Variants in EDIL3 observed in about 807,000 individuals in gnomAD.
EDIL3 encodes the protein EGF-like repeat and discoidin I-like domain-containing protein 3.
A neutral mutation model predicts 67.4 loss-of-function variants in EDIL3; 37 were observed. The ratio of observed to expected loss-of-function variants is 0.55; its 90% CI spans 0.42 to 0.72. EDIL3 has a LOEUF of 0.72. Among genes scored for constraint, EDIL3 ranks in the 30% least tolerant of loss-of-function variants. The pLI, the probability that EDIL3 is intolerant of heterozygous loss-of-function variation, is 0.00. For missense variants in EDIL3, 527 were observed against 586.3 expected (o/e 0.90, Z 1.04); for synonymous variants, 195 against 196.3 (o/e 0.99, Z 0.05).
At chr5:84,126,818 C>G (rs1747877631) in intron 5 of EDIL3, among the ~76,000 whole-genome samples, 2 of 152,068 alleles carry the variant, frequency 1.3e-5, no homozygotes, top group African/African-American at 4.8e-5. Flanking sequence ...CAGAGTGGGA[C>G]TGAGAATGCC....
At position 84,114,701 on chromosome 5, in the gene EDIL3, A is replaced by G. The variant is rs148288714; in HGVS notation, c.470-7871T>C. ...TGGATTCCATATAAATTGCACGTGT[A>G]CCTTAAAGAAAAGGCTGTTTCTTCC... is the stretch of plus-strand genomic sequence containing the variant. On this transcript the variant is annotated intron_variant, in intron 5 of 10. Coordinates refer to ENST00000296591, the MANE Select transcript of EDIL3 (RefSeq NM_005711.5). Among the ~76,000 whole-genome samples the G allele has an allele frequency of 4.4e-3, 665 of 152,342 alleles. 6 individuals are homozygous for G. The highest frequency in any genetic ancestry group is 0.015 in the African/African-American group (610 of 41,580).
At chr5:84,155,466 T>C (rs1373895505) in intron 4 of EDIL3, among the ~76,000 whole-genome samples, 4 of 152,206 alleles carry the variant, frequency 2.6e-5, no homozygotes, top group Non-Finnish European at 4.4e-5. Flanking sequence ...TTGGTATGCA[T>C]TAATTTTTTC....
At chr5:83,975,680 ATATAT>A (rs1438350645) in intron 9 of EDIL3, among the ~76,000 whole-genome samples, 3 of 151,902 alleles carry the variant, frequency 2.0e-5, no homozygotes, top group African/African-American at 4.8e-5. Flanking sequence ...TTCCTTTTTT[ATATAT>A]TATAAGTGTT....
intron 9 of EDIL3, among the ~76,000 whole-genome samples, chr5:84,021,989 C>T (rs910171888): frequency 2.0e-5 from 3 of 151,860 alleles, no homozygotes; most frequent in African/African-American, 7.2e-5. Context: ...AGAACTAATA[C>T]CAATCCTCCC....
intron 6 of EDIL3, among the ~76,000 whole-genome samples, chr5:84,075,887 C>T (rs1424414884): frequency 2.0e-5 from 1 of 49,966 alleles, no homozygotes; most frequent in Non-Finnish European, 4.0e-5. Flanking sequence ...CAAAAGTGTG[C>T]ACGCACACAC....
At chr5:83,975,522 G>T (rs762612414) in intron 9 of EDIL3, among the ~76,000 whole-genome samples, 14 of 151,710 alleles carry the variant, frequency 9.2e-5, no homozygotes, top group Non-Finnish European at 1.6e-4. Flanking sequence ...TTTAAATAAA[G>T]AATTTTATAA....
At chr5:84,188,364 C>A (rs1256950600) in intron 3 of EDIL3, among the ~76,000 whole-genome samples, 6 of 151,908 alleles carry the variant, frequency 3.9e-5, no homozygotes. Context: ...TCCTTCCTTG[C>A]CTATTCCAGA....
chr5:83,984,786 G>C (rs1470711188), intron 9 of EDIL3, among the ~76,000 whole-genome samples: 1 of 151,986 alleles, frequency 6.6e-6, no homozygotes, highest in Non-Finnish European at 1.5e-5. Flanking sequence ...CTTCACCACT[G>C]TTCCTGGCAT....
chr5:84,316,240 G>A (rs1746509408), intron 1 of EDIL3, among the ~76,000 whole-genome samples: 2 of 152,064 alleles, frequency 1.3e-5, no homozygotes, highest in Non-Finnish European at 2.9e-5. Context: ...ATAAAGACAG[G>A]ATCAAATTCA....
At chr5:84,364,272 TA>T (rs1747682373) in intron 1 of EDIL3, among the ~76,000 whole-genome samples, 1 of 152,200 alleles carries the variant, frequency 6.6e-6, no homozygotes, top group African/African-American at 2.4e-5. Flanking sequence ...CTACGGTCTC[TA>T]TTTTTGCCAA....
At chr5:84,069,543 A>AT (rs1490729198) in intron 6 of EDIL3, among the ~76,000 whole-genome samples, 1 of 152,130 alleles carries the variant, frequency 6.6e-6, no homozygotes, top group Non-Finnish European at 1.5e-5. Context: ...CATGTTTTTT[A>AT]TTTTAAGTTT....
chr5:84,194,915 T>C (rs1293498978), intron 3 of EDIL3, among the ~76,000 whole-genome samples: 1 of 151,900 alleles, frequency 6.6e-6, no homozygotes, highest in Non-Finnish European at 1.5e-5. Flanking sequence ...TTGATTGAAA[T>C]GATAAAAAAA....
intron 2 of EDIL3, among the ~76,000 whole-genome samples, chr5:84,247,446 C>T (rs1744930668): frequency 6.6e-6 from 1 of 152,102 alleles, no homozygotes; most frequent in South Asian, 2.1e-4. Context: ...CACTGATTGC[C>T]TTCTGAAAGA....
At chr5:84,270,512 T>G (rs1254802000) in intron 1 of EDIL3, among the ~76,000 whole-genome samples, 1 of 152,226 alleles carries the variant, frequency 6.6e-6, no homozygotes, top group Non-Finnish European at 1.5e-5. Flanking sequence ...AACACCTCTT[T>G]GACAAAACTA....
chr5:83,975,127 T>C (rs1309692078), intron 9 of EDIL3, among the ~76,000 whole-genome samples: 1 of 151,948 alleles, frequency 6.6e-6, no homozygotes, highest in African/African-American at 2.4e-5. Flanking sequence ...GAATGTAAGG[T>C]ATATAACTTT....
At chr5:84,182,270 T>TACAC (rs71607704) in intron 3 of EDIL3, among the ~76,000 whole-genome samples, 2,553 of 141,972 alleles carry the variant, frequency 0.018, 44 homozygotes, top group African/African-American at 0.047. Context: ...CTACAAAAAA[T>TACAC]ACACACACAC....
intron 9 of EDIL3, among the ~76,000 whole-genome samples, chr5:84,016,274 G>T (rs1300446877): frequency 1.3e-5 from 2 of 152,118 alleles, no homozygotes; most frequent in Non-Finnish European, 2.9e-5. Context: ...CTTGCCAAAA[G>T]GGAATGTTTA....
At chr5:84,187,098 G>T (rs1272738701) in intron 3 of EDIL3, among the ~76,000 whole-genome samples, 2 of 152,070 alleles carry the variant, frequency 1.3e-5, no homozygotes, top group Non-Finnish European at 2.9e-5. Context: ...CAATAATGCT[G>T]TAATACTTTT....
At chr5:83,969,578 T>C (rs1186212744) in intron 9 of EDIL3, among the ~76,000 whole-genome samples, 1 of 151,830 alleles carries the variant, frequency 6.6e-6, no homozygotes, top group Admixed American at 6.6e-5. Context: ...TCAACTCTCA[T>C]GTGTATTTAT....
Sources: gnomAD v4.1 joint callset for allele counts (sites outside exome capture counted in the v4.1 genomes callset) on GRCh38, gnomAD v4.1.1 for gene constraint, MANE v1.5 for transcripts, NCBI Gene and HGNC (gene_info 2026-07-23, HGNC 2026-07-21) for gene names.